The following PPP1R13L variants were observed in gnomAD, a reference collection of about 807,000 sequenced individuals.
The protein encoded by PPP1R13L is relA-associated inhibitor.
In PPP1R13L, 50 loss-of-function variants were observed where a neutral mutation model predicts 80.9. That is an observed-to-expected ratio of 0.62 (90% confidence interval 0.49 to 0.78). PPP1R13L has a LOEUF of 0.78. Ranked by LOEUF, PPP1R13L falls within the 30% of genes least tolerant of loss-of-function variation. The pLI is 0.00. For synonymous variants in PPP1R13L, 602 were observed against 534.3 expected (o/e 1.13, Z -1.75); for missense variants, 1,200 against 1,205.9 (o/e 1.00, Z 0.07).
chr19:45,394,482 C>G (rs961972048), intron 7 of PPP1R13L, among the ~76,000 whole-genome samples: 4 of 151,074 alleles, frequency 2.6e-5, no homozygotes, highest in South Asian at 2.1e-4. Flanking sequence ...GTATCAGATC[C>G]TATTTATTTA....
intron 12 of PPP1R13L, 109 bp downstream of exon 12, chr19:45,382,418 T>A: frequency 7.6e-7 from 1 of 1,314,764 alleles, no homozygotes; most frequent in Non-Finnish European, 1.1e-6. Context: ...GACCTCCCTC[T>A]CCCAATATAA....
chr19:45,396,124 C>T lies in PPP1R13L; in HGVS notation c.903+44G>A, dbSNP rs746710478. ...TTGACCCCGCTCCCCCACCCCACTC[C>T]TCGACCTTCCCCAGCCTCTCCTCCC... On this transcript the variant is annotated intron_variant, in intron 6 of 12. Transcript: ENST00000360957. The surrounding 1 kb of genome is among the most constrained non-coding windows in gnomAD (Gnocchi z 5.3). 1.3e-6 allele frequency: 2 copies of T among 1,551,638 alleles called. No homozygotes were observed. Among genetic ancestry groups the T allele is most frequent in the East Asian group, 2.4e-5 (1 of 41,532 alleles).
rs1356298574 is a variant in PPP1R13L at position 45,395,802 on chromosome 19, G to A, written c.988C>T (p.Arg330Trp). 5.7e-6 allele frequency: 9 copies of A among 1,583,436 alleles called. No homozygotes were observed. The highest frequency in any genetic ancestry group is 1.3e-5 in the African/African-American group (1 of 74,514). Reference protein sequence around the residue: ...SDRRSDAGSYRRSLGSAGPSG... With the variant: ...SDRRSDAGSYWRSLGSAGPSG... ...GGCCCCGCGGAGCCCAGCGAGCGCC[G>A]GTAGCTGCCCGCGTCTGAACGCCGG... is the stretch of plus-strand genomic sequence containing the variant. Residue 330 changes from arginine (R) to tryptophan (W), a missense_variant, in exon 7 of 13, where the codon CGG (arginine) becomes TGG (tryptophan). By Grantham distance (101) the Arg-to-Trp change is moderately radical. Coordinates refer to ENST00000360957, the MANE Select transcript of PPP1R13L (RefSeq NM_006663.4).
chr19:45,384,004 A>C (rs1170929058), intron 11 of PPP1R13L, among the ~76,000 whole-genome samples: 1 of 151,340 alleles, frequency 6.6e-6, no homozygotes, highest in Non-Finnish European at 1.5e-5. Flanking sequence ...AGCTCATGCA[A>C]TCCGCCCGCC....
rs146548175 is a variant in PPP1R13L, at chr19:45,396,352, G to A, written c.797C>T (p.Thr266Ile). 1.2e-5 allele frequency: 19 copies of A among 1,614,104 alleles called. No homozygotes were observed. In the East Asian group the frequency reaches 3.3e-4, roughly 28 times the overall value. Residue 266 changes from threonine (T) to isoleucine (I), a missense_variant, in exon 5 of 13, where the codon ACA becomes ATA. Physicochemically the swap from Thr to Ile is moderately conservative, Grantham distance 89 (BLOSUM62 -1). Transcript: ENST00000360957. The surrounding 1 kb of genome is among the most constrained non-coding windows in gnomAD (Gnocchi z 5.3). ...CCACCACTCACGTTCATAGCTCGCT[G>A]TCTGCGAAGGCTTCTTCTCGTACGC... The part of the protein sequence containing the change: ...DVAYEKKPSQ[T>I]ASYERLDVFA...
rs1390079504 is a variant in PPP1R13L, at chr19:45,396,234, G to C, written c.837C>G (p.Ala279=). Residue 279 remains alanine (A), a synonymous_variant, in exon 6 of 13, where the codon GCC becomes GCG. Coordinates refer to ENST00000360957, the MANE Select transcript of PPP1R13L (RefSeq NM_006663.4). This position sits in a 1 kb window ranked among gnomAD's most constrained non-coding sequence, Gnocchi z 5.3. ...AAGGCAACAGCTGCAGGCTCGGCGA[G>C]GCAGGCCTTGCGAAGACGTCCAGGC... ...YERLDVFARP[A]SPSLQLLPWR... 6.2e-7 allele frequency: 1 copy of C among 1,610,140 alleles called. No individual in the cohort carries two copies. The highest frequency in any genetic ancestry group is 8.5e-7 in the Non-Finnish European group (1 of 1,179,398).
chr19:45,396,029 A>G lies in PPP1R13L; in HGVS notation c.903+139T>C. ...AAGGGTGAGGAAGGAGCAGAAACCC[A>G]GCACAGTGAAGGGAGAGCGTGGGAA... On this transcript the variant is annotated intron_variant, in intron 6 of 12. Coordinates refer to ENST00000360957, the MANE Select transcript of PPP1R13L (RefSeq NM_006663.4). The surrounding 1 kb of genome is among the most constrained non-coding windows in gnomAD (Gnocchi z 5.3). 7.8e-7 allele frequency: 1 copy of G among 1,283,592 alleles called. No homozygotes were observed. Among genetic ancestry groups the G allele is most frequent in the Non-Finnish European group, 1.1e-6 (1 of 934,598 alleles). 79.5% of individuals were successfully genotyped at this position (1,283,592 alleles called of 1,614,324 possible).
In PPP1R13L at chr19:45,396,900, C is replaced by A. The variant is rs367747237; in HGVS notation, c.357G>T (p.Ser119=). 27 of 1,513,176 alleles carry A rather than the reference C, an allele frequency of 1.8e-5. No individual in the cohort carries two copies. Among genetic ancestry groups the A allele is most frequent in the Admixed American group, 4.4e-5 (2 of 45,736 alleles). The allele number at this position is 1,513,176 out of a possible 1,614,324, so 93.7% of individuals were successfully genotyped here. A position where few individuals can be genotyped will look rare whatever the true frequency, so the allele number is the denominator to read the frequency against. ...YSPLSPKGRP[S]SPRTPLYLQP... ...GCAGGTAGAGCGGGGTGCGCGGCGA[C>A]GACGGCCGTCCCTTGGGGGACAGCG... Residue 119 remains serine (S), a synonymous_variant, in exon 4 of 13, where the codon TCG becomes TCT. Transcript: ENST00000360957. This position sits in a 1 kb window ranked among gnomAD's most constrained non-coding sequence, Gnocchi z 5.3.
chr19:45,385,901 G>A lies in PPP1R13L; in HGVS notation c.2004C>T (p.Ile668=). The part of the protein sequence containing the change: ...EEGITALHNA[I]CGANYSIVDF... The stretch of plus-strand genomic sequence containing the variant: ...CCACGATAGAGTAGTTGGCGCCGCA[G>A]ATGGCGTTGTGCAAGGCAGTGATGC... Residue 668 remains isoleucine (I), a synonymous_variant, in exon 10 of 13, where the codon ATC becomes ATT. Transcript: ENST00000360957. 1 of 1,611,848 alleles carries A rather than the reference G, an allele frequency of 6.2e-7. No homozygotes were observed. The highest frequency in any genetic ancestry group is 1.1e-5 in the South Asian group (1 of 90,724).
At chr19:45,387,453 G>A (rs1972891318) in intron 8 of PPP1R13L, among the ~76,000 whole-genome samples, 1 of 152,214 alleles carries the variant, frequency 6.6e-6, no homozygotes, top group East Asian at 1.9e-4. Flanking sequence ...TGTGATTGCA[G>A]AAATGCTAGG....
At chr19:45,403,414 T>C (rs1481829844) in intron 1 of PPP1R13L, among the ~76,000 whole-genome samples, 1 of 152,018 alleles carries the variant, frequency 6.6e-6, no homozygotes, top group Non-Finnish European at 1.5e-5. Context: ...AGTCCTAAAT[T>C]TCCCCTGTAC....
chr19:45,403,440 C>T (rs1045675825), intron 1 of PPP1R13L, among the ~76,000 whole-genome samples: 1 of 152,186 alleles, frequency 6.6e-6, no homozygotes, highest in African/African-American at 2.4e-5. Context: ...TGAGTCTGGC[C>T]AGTGATCACC....
intron 1 of PPP1R13L, among the ~76,000 whole-genome samples, chr19:45,403,884 C>A (rs1483391847): frequency 6.6e-6 from 1 of 152,032 alleles, no homozygotes; most frequent in Non-Finnish European, 1.5e-5. Flanking sequence ...AGGGAGGTGC[C>A]TGGTCCTGCC....
intron 11 of PPP1R13L, 38 bp from the exon 12 acceptor site, chr19:45,382,764 C>T (rs779915740): frequency 2.5e-6 from 4 of 1,607,172 alleles, no homozygotes; most frequent in Admixed American, 1.7e-5. Context: ...AGAGCCTGGC[C>T]CAGGGGGTCC....
At chr19:45,399,542 T>C (rs1264914592) in intron 1 of PPP1R13L, among the ~76,000 whole-genome samples, 2 of 151,440 alleles carry the variant, frequency 1.3e-5, no homozygotes, top group Non-Finnish European at 2.9e-5. Flanking sequence ...GAGAACGGCG[T>C]GAACCCGGGA....
chr19:45,405,888 G>T (rs539473291), upstream of PPP1R13L, among the ~76,000 whole-genome samples: 21 of 152,326 alleles, frequency 1.4e-4, no homozygotes, highest in East Asian at 4.1e-3. Flanking sequence ...CTGTGTCCAC[G>T]TGCCGCTGTT....
rs546903846 is a variant in PPP1R13L at position 45,392,011 on chromosome 19, G to A, written c.1684C>T (p.Pro562Ser). 9.8e-6 allele frequency: 15 copies of A among 1,537,332 alleles called. No homozygotes were observed. The Middle Eastern group carries it at 1.6e-3, about 163-fold the overall frequency. The change falls in exon 8 of 13, where the codon CCG becomes TCG. Residue 562 changes from proline (P) to serine (S), a missense_variant. This residue lies in a region of PPP1R13L where 214 missense variants were observed against 199.6 expected (regional missense o/e 1.07). Transcript: ENST00000360957. ...HRHGGPGPGG[P>S]EPELSPITEG... ...GTGATGGGGGACAGCTCTGGCTCCG[G>A]CCCCCCGGGCCCTGGCCCCCCATGA...
Position 45,396,942 on chromosome 19 carries a change from G to A in PPP1R13L, c.315C>T (p.Thr105=). ...TPFGRSESAP[T]LHPYSPLSPK... ...GGGACAGCGGGCTGTAGGGGTGTAG[G>A]GTTGGGGCACTCTCTGATCGTCCGA... The change falls in exon 4 of 13, where the codon ACC becomes ACT. Residue 105 remains threonine, a synonymous_variant. Coordinates refer to ENST00000360957, the MANE Select transcript of PPP1R13L (RefSeq NM_006663.4). The surrounding 1 kb of genome is among the most constrained non-coding windows in gnomAD (Gnocchi z 5.3). 6.9e-7 allele frequency: 1 copy of A among 1,445,554 alleles called. No individual in the cohort carries two copies. The highest frequency in any genetic ancestry group is 9.1e-7 in the Non-Finnish European group (1 of 1,102,410). 89.5% of individuals were successfully genotyped at this position (1,445,554 alleles called of 1,614,324 possible).
At chr19:45,402,510 C>G (rs1166596287) in intron 1 of PPP1R13L, among the ~76,000 whole-genome samples, 2 of 152,228 alleles carry the variant, frequency 1.3e-5, no homozygotes, top group Non-Finnish European at 2.9e-5. Context: ...GGGGCGGTCA[C>G]GCCCGGACCC....
Sources: gnomAD v4.1 joint callset for allele counts (sites outside exome capture counted in the v4.1 genomes callset) on GRCh38, gnomAD v4.1.1 for gene constraint, gnomAD v4.1.1 regional missense constraint, Gnocchi (gnomAD v3.1) non-coding constraint, MANE v1.5 for transcripts, NCBI Gene and HGNC (gene_info 2026-07-23, HGNC 2026-07-21) for gene names.